Variants in KCNJ18 observed in about 807,000 individuals in gnomAD.
KCNJ18 encodes the protein inward rectifier potassium channel 18.
Under a neutral mutation model 17.3 loss-of-function variants are expected in KCNJ18, and 16 were observed. The observed-to-expected ratio is 0.92, with a 90% confidence interval of 0.62 to 1.40. The LOEUF (loss-of-function observed/expected upper bound fraction) is 1.40. KCNJ18 is among the 40% of genes most tolerant of loss of function. KCNJ18 has a pLI of 0.00. For synonymous variants in KCNJ18, 185 were observed against 262.6 expected (o/e 0.70, Z 2.86); for missense variants, 462 against 626.8 (o/e 0.74, Z 2.81).
rs1235690199 is a variant in KCNJ18 at position 21,704,124 on chromosome 17, C to T, written c.*36C>T. ...GCCGACATGCAGCATCCACCCCTGG[C>T]CGGGGAGAGGCCCCGCGGTCGCTCA... On this transcript the variant is annotated 3_prime_UTR_variant, in exon 3 of 3. Transcript: ENST00000567955. 46 of 1,494,554 alleles carry T rather than the reference C, an allele frequency of 3.1e-5. No individual in the cohort carries two copies. In the African/African-American group the frequency reaches 5.9e-4, roughly 19 times the overall value. 92.6% of individuals were successfully genotyped at this position (1,494,554 alleles called of 1,614,324 possible).
chr17:21,701,858 C>G (rs1192298187), intron 2 of KCNJ18, among the ~76,000 whole-genome samples: 1 of 151,972 alleles, frequency 6.6e-6, no homozygotes, highest in African/African-American at 2.4e-5. Context: ...TGGCAGTGAG[C>G]TGAAATTGCG....
At chr17:21,702,514 G>A (rs1181993725) in intron 2 of KCNJ18, among the ~76,000 whole-genome samples, 1 of 152,228 alleles carries the variant, frequency 6.6e-6, no homozygotes, top group Non-Finnish European at 1.5e-5. Context: ...AGTGAGGTGT[G>A]GAGCTGAGGT....
At chr17:21,693,747 T>C (rs1158508790) in intron 1 of KCNJ18, among the ~76,000 whole-genome samples, 1 of 152,266 alleles carries the variant, frequency 6.6e-6, no homozygotes, top group East Asian at 1.9e-4. Context: ...CTGTTTGATG[T>C]TGGCTTGTGA....
chr17:21,702,710 A>G (rs2142272408), intron 2 of KCNJ18, 21 bp from the exon 3 acceptor site: 1 of 1,489,804 alleles, frequency 6.7e-7, no homozygotes, highest in Admixed American at 2.0e-5. Flanking sequence ...CCAGCCAGAC[A>G]TGCTGTCCTC....
In KCNJ18 at chr17:21,703,534, G is replaced by A. The variant is rs1255196091; in HGVS notation, c.748G>A (p.Asp250Asn). The A allele has an allele frequency of 2.2e-5, 35 of 1,606,694 alleles. No individual in the cohort carries two copies. The highest frequency in any genetic ancestry group is 1.6e-4 in the Middle Eastern group (1 of 6,080). The part of the protein sequence containing the change: ...EGEYIPLDQI[D>N]IDVGFDKGLD... ...CGAGTACATCCCGCTGGACCAGATC[G>A]ACATCGATGTGGGCTTCGACAAGGG... The change falls in exon 3 of 3, where the codon GAC (aspartate) becomes AAC (asparagine). Residue 250 changes from aspartate to asparagine, a missense_variant. Physicochemically the swap from Asp to Asn is conservative, Grantham distance 23. Transcript: ENST00000567955.
chr17:21,699,474 G>T (rs1299838106), intron 2 of KCNJ18, among the ~76,000 whole-genome samples: 5 of 148,988 alleles, frequency 3.4e-5, no homozygotes, highest in East Asian at 3.9e-4. Context: ...CCTGGGGAGG[G>T]TCTCTCTCTC....
At chr17:21,700,945 TGGACTG>T (rs1341201170) in intron 2 of KCNJ18, among the ~76,000 whole-genome samples, 1 of 146,270 alleles carries the variant, frequency 6.8e-6, no homozygotes, top group Non-Finnish European at 1.5e-5. Context: ...ATGGTGTGAC[TGGACTG>T]GGACTGGGGG....
At chr17:21,697,683 GGA>G (rs1905804935) in intron 2 of KCNJ18, among the ~76,000 whole-genome samples, 1 of 152,312 alleles carries the variant, frequency 6.6e-6, no homozygotes, top group Non-Finnish European at 1.5e-5. Flanking sequence ...CTGGCATGAG[GGA>G]GAGCCCCTAA....
At chr17:21,698,272 C>G (rs1905830662) in intron 2 of KCNJ18, among the ~76,000 whole-genome samples, 1 of 152,010 alleles carries the variant, frequency 6.6e-6, no homozygotes, top group Non-Finnish European at 1.5e-5. Flanking sequence ...CACAGTGACT[C>G]AATCTTCCTA....
At chr17:21,700,038 C>T (rs1205492207) in intron 2 of KCNJ18, among the ~76,000 whole-genome samples, 13 of 152,392 alleles carry the variant, frequency 8.5e-5, no homozygotes, top group East Asian at 3.9e-4. Flanking sequence ...TGGCTGCCTC[C>T]TTCTGGAGGG....
intron 2 of KCNJ18, among the ~76,000 whole-genome samples, chr17:21,699,474 G>GTC (rs1229411118): frequency 3.3e-4 from 49 of 149,098 alleles, no homozygotes; most frequent in Admixed American, 5.3e-4. Flanking sequence ...CCTGGGGAGG[G>GTC]TCTCTCTCTC....
At chr17:21,692,931 A>C (rs1214171075) in intron 1 of KCNJ18, among the ~76,000 whole-genome samples, 1 of 152,310 alleles carries the variant, frequency 6.6e-6, no homozygotes, top group South Asian at 2.1e-4. Flanking sequence ...TTTCAGGGGA[A>C]GCTGAGCCTC....
rs1170306202 is a variant in KCNJ18, at chr17:21,704,060, G to A, written c.1274G>A (p.Arg425Gln). The A allele has an allele frequency of 6.9e-5, 107 of 1,560,030 alleles. No homozygotes were observed. The African/African-American group carries it at 1.1e-3, about 17-fold the overall frequency. The change falls in exon 3 of 3, where the codon CGG (arginine) becomes CAG (glutamine). Residue 425 changes from arginine (R) to glutamine (Q), a missense_variant. Arg to Gln is a conservative substitution (Grantham distance 43, BLOSUM62 1). Coordinates refer to ENST00000567955, the MANE Select transcript of KCNJ18 (RefSeq NM_001194958.2). ...LQAGGGVLEQ[R>Q]PYRRGSEI ...GCTGGCGGCGGGGTCCTGGAGCAGC[G>A]GCCCTACAGACGGGGGTCAGAGATC...
intron 1 of KCNJ18, 82 bp from the exon 2 acceptor site, chr17:21,695,901 A>C (rs1158948271): frequency 1.3e-5 from 2 of 152,638 alleles, no homozygotes; most frequent in African/African-American, 4.8e-5. Flanking sequence ...ATGTGGGTTC[A>C]TGTGGTTATG....
intron 2 of KCNJ18, among the ~76,000 whole-genome samples, chr17:21,697,838 G>A (rs1376016567): frequency 7.2e-5 from 11 of 152,418 alleles, no homozygotes; most frequent in African/African-American, 2.4e-4. Context: ...GCCTGGATTA[G>A]GAAAGATTCT....
intron 2 of KCNJ18, among the ~76,000 whole-genome samples, chr17:21,698,490 C>A (rs1160581639): frequency 5.9e-5 from 9 of 152,128 alleles, no homozygotes; most frequent in Non-Finnish European, 8.8e-5. Context: ...GGCGCCTCCC[C>A]CTCCGAGTCC....
At chr17:21,694,212 A>G (rs1485718034) in intron 1 of KCNJ18, among the ~76,000 whole-genome samples, 4 of 152,128 alleles carry the variant, frequency 2.6e-5, no homozygotes, top group Admixed American at 1.3e-4. Flanking sequence ...CTCGGCTGTA[A>G]CCTTGGAAAG....
At chr17:21,698,927 G>T (rs1261134067) in intron 2 of KCNJ18, among the ~76,000 whole-genome samples, 1 of 152,226 alleles carries the variant, frequency 6.6e-6, no homozygotes, top group Non-Finnish European at 1.5e-5. Context: ...TGTTGAAACC[G>T]CCTTGTCTAG....
In KCNJ18 at chr17:21,703,199, T is replaced by A; in HGVS notation, c.413T>A (p.Ile138Asn). 1 of 1,609,830 alleles carries A rather than the reference T, an allele frequency of 6.2e-7. No homozygotes were observed. Among genetic ancestry groups the A allele is most frequent in the Non-Finnish European group, 8.5e-7 (1 of 1,178,908 alleles). ...HGFMAAFLFS[I>N]ETQTTIGYGL... Reference sequence around the variant, plus strand: ...TTCATGGCGGCCTTCCTCTTCTCCATCGAGACGCAGACCACCATCGGCTAC... The same window carrying A: ...TTCATGGCGGCCTTCCTCTTCTCCAACGAGACGCAGACCACCATCGGCTAC... The change falls in exon 3 of 3, where the codon ATC becomes AAC. Residue 138 changes from isoleucine to asparagine, a missense_variant. Transcript: ENST00000567955.
Sources: gnomAD v4.1 joint callset for allele counts (sites outside exome capture counted in the v4.1 genomes callset) on GRCh38, gnomAD v4.1.1 for gene constraint, MANE v1.5 for transcripts, NCBI Gene and HGNC (gene_info 2026-07-23, HGNC 2026-07-21) for gene names.